The following SUSD5 variants were observed in gnomAD, a reference collection of about 807,000 sequenced individuals.
The protein encoded by SUSD5 is sushi domain-containing protein 5.
A neutral mutation model predicts 29.5 loss-of-function variants in SUSD5; 33 were observed. The ratio of observed to expected loss-of-function variants is 1.12; its 90% CI spans 0.85 to 1.49. SUSD5 has a LOEUF of 1.49. SUSD5 is among the 40% of genes most tolerant of loss of function. The pLI, the probability that SUSD5 is intolerant of heterozygous loss-of-function variation, is 0.00. For missense variants in SUSD5, 776 were observed against 800.6 expected (o/e 0.97, Z 0.37); for synonymous variants, 308 against 325.3 (o/e 0.95, Z 0.57).
rs906428044 is a variant in SUSD5 at position 33,150,832 on chromosome 3, G to A, written c.*1910C>T. ...CCAACAATTTTTCAATCATAAAAAA[G>A]ATCAGGATTTCCCTCTACCACACAA... is the stretch of plus-strand genomic sequence containing the variant. On this transcript the variant is annotated 3_prime_UTR_variant, in exon 5 of 5. Transcript: ENST00000309558. The A allele has an allele frequency of 2.0e-5, 3 of 152,158 alleles. No individual in the cohort carries two copies. The highest frequency in any genetic ancestry group is 4.4e-5 in the Non-Finnish European group (3 of 68,026). The allele number at this position is 152,158 out of a possible 1,614,324, so 9.4% of individuals were successfully genotyped here.
intron 4 of SUSD5, among the ~76,000 whole-genome samples, chr3:33,171,521 G>A (rs2031427833): frequency 6.6e-6 from 1 of 152,094 alleles, no homozygotes; most frequent in Non-Finnish European, 1.5e-5. Context: ...CAGCAAGCAA[G>A]CAAACAAAAC....
intron 3 of SUSD5, among the ~76,000 whole-genome samples, chr3:33,181,790 C>A (rs958031639): frequency 2.0e-5 from 3 of 152,216 alleles, no homozygotes; most frequent in African/African-American, 7.2e-5. Flanking sequence ...CAGTAACACA[C>A]TGTACAGGTT....
chr3:33,207,430 T>C (rs1251158733), intron 3 of SUSD5, among the ~76,000 whole-genome samples: 1 of 152,144 alleles, frequency 6.6e-6, no homozygotes, highest in East Asian at 1.9e-4. Context: ...CAGAAGAACC[T>C]GGGAATTTAT....
intron 3 of SUSD5, among the ~76,000 whole-genome samples, chr3:33,202,157 A>T (rs1382306213): frequency 1.3e-5 from 2 of 152,172 alleles, no homozygotes; most frequent in Non-Finnish European, 2.9e-5. Context: ...ATAAATGAAC[A>T]CATAAATGAC....
Position 33,150,719 on chromosome 3 carries a change from C to T in SUSD5, c.*2023G>A, listed in dbSNP as rs912107038. ...ATGCTGCCTCTCTTTACAGCTACTTCGCCTATTACTTTTCCAAAGCTTGCT... is the reference window on the plus strand; with the variant it reads ...ATGCTGCCTCTCTTTACAGCTACTTTGCCTATTACTTTTCCAAAGCTTGCT... On this transcript the variant is annotated 3_prime_UTR_variant, in exon 5 of 5. Coordinates refer to ENST00000309558, the MANE Select transcript of SUSD5 (RefSeq NM_015551.2). 4 of 152,184 alleles carry T rather than the reference C, an allele frequency of 2.6e-5. No individual in the cohort carries two copies. The highest frequency in any genetic ancestry group is 1.9e-4 in the East Asian group (1 of 5,202). The allele number at this position is 152,184 out of a possible 1,614,324, so 9.4% of individuals were successfully genotyped here. A position where few individuals can be genotyped will look rare whatever the true frequency, so the allele number is the denominator to read the frequency against.
At chr3:33,171,354 A>G (rs2031423294) in intron 4 of SUSD5, among the ~76,000 whole-genome samples, 2 of 151,978 alleles carry the variant, frequency 1.3e-5, no homozygotes. Flanking sequence ...TTAAAAAAAA[A>G]AAGGGTATTA....
chr3:33,193,201 A>G (rs1033117707), intron 3 of SUSD5, among the ~76,000 whole-genome samples: 1 of 152,168 alleles, frequency 6.6e-6, no homozygotes, highest in Admixed American at 6.5e-5. Context: ...AAAACAAGGA[A>G]CCACTAAGGA....
At chr3:33,157,572 T>C (rs1192958220) in intron 4 of SUSD5, among the ~76,000 whole-genome samples, 1 of 152,190 alleles carries the variant, frequency 6.6e-6, no homozygotes, top group Non-Finnish European at 1.5e-5. Context: ...ATCTCCACTT[T>C]TCCCTGCATC....
At chr3:33,218,654 AC>A (rs1377679216) in intron 1 of SUSD5, 31 bp downstream of exon 1, 4 of 1,075,634 alleles carry the variant, frequency 3.7e-6, no homozygotes, top group South Asian at 6.1e-5. Flanking sequence ...CCCACGCTCC[AC>A]CCCCCGCCCC....
At chr3:33,182,195 A>G (rs1340832899) in intron 3 of SUSD5, among the ~76,000 whole-genome samples, 1 of 152,198 alleles carries the variant, frequency 6.6e-6, no homozygotes, top group Non-Finnish European at 1.5e-5. Flanking sequence ...TGCATTATTT[A>G]AAAGTATGTT....
chr3:33,154,843 A>G (rs915762886), intron 4 of SUSD5, among the ~76,000 whole-genome samples: 3 of 152,232 alleles, frequency 2.0e-5, no homozygotes, highest in Non-Finnish European at 4.4e-5. Flanking sequence ...TAAGTTGGCA[A>G]TTCTGTCCAA....
chr3:33,179,537 G>A (rs980134310), intron 3 of SUSD5, among the ~76,000 whole-genome samples: 4 of 152,166 alleles, frequency 2.6e-5, no homozygotes, highest in African/African-American at 9.7e-5. Flanking sequence ...AACCTCTCTG[G>A]AATATAGGTC....
Position 33,153,564 on chromosome 3 carries a change from G to C in SUSD5, c.1068C>G (p.Ser356Arg), listed in dbSNP as rs1165491581. The C allele has an allele frequency of 1.9e-6, 3 of 1,613,968 alleles. No individual in the cohort carries two copies. The highest frequency in any genetic ancestry group is 2.5e-6 in the Non-Finnish European group (3 of 1,179,906). The change falls in exon 5 of 5, where the codon AGC (serine) becomes AGG (arginine). Residue 356 changes from serine to arginine, a missense_variant. Physicochemically the swap from Ser to Arg is moderately radical, Grantham distance 110. Coordinates refer to ENST00000309558, the MANE Select transcript of SUSD5 (RefSeq NM_015551.2). ...TGCTCACCACTGGATCTCCTGCCTT[G>C]CTGTCATTCTTGCCCACAAATGGCC... is the stretch of plus-strand genomic sequence containing the variant. ...PSGPFVGKNDSKAGDPVVSSS... is the reference protein window; with the variant it reads ...PSGPFVGKNDRKAGDPVVSSS...
intron 3 of SUSD5, among the ~76,000 whole-genome samples, chr3:33,180,246 C>T (rs2031639775): frequency 6.6e-6 from 1 of 152,134 alleles, no homozygotes; most frequent in Admixed American, 6.5e-5. Context: ...TGAAGACTTT[C>T]TACTGGGACA....
chr3:33,196,830 C>G (rs933655588), intron 3 of SUSD5, among the ~76,000 whole-genome samples: 1 of 152,176 alleles, frequency 6.6e-6, no homozygotes, highest in South Asian at 2.1e-4. Flanking sequence ...AACGGCAGTG[C>G]CTGTGAAGGT....
intron 2 of SUSD5, among the ~76,000 whole-genome samples, chr3:33,212,247 T>C (rs2032336439): frequency 6.6e-6 from 1 of 152,110 alleles, no homozygotes. Flanking sequence ...AAAATAAAAT[T>C]AGGCCAGGCA....
intron 3 of SUSD5, among the ~76,000 whole-genome samples, chr3:33,200,128 G>C (rs948816659): frequency 6.6e-6 from 1 of 152,150 alleles, no homozygotes; most frequent in African/African-American, 2.4e-5. Context: ...TGGGACTAGT[G>C]CCCTTATGAA....
At chr3:33,168,406 G>A in intron 4 of SUSD5, 1 of 614,802 alleles carries the variant, frequency 1.6e-6, no homozygotes, top group Non-Finnish European at 2.0e-6. Flanking sequence ...TCAGTCTCAT[G>A]CCTTCTTCTA....
intron 1 of SUSD5, among the ~76,000 whole-genome samples, chr3:33,214,384 T>C (rs2032387651): frequency 6.8e-6 from 1 of 146,016 alleles, no homozygotes; most frequent in Non-Finnish European, 1.5e-5. Flanking sequence ...TTCAAATCTT[T>C]CTTTTAAAAC....
Sources: allele counts gnomAD v4.1 joint callset (sites outside exome capture counted in the v4.1 genomes callset), GRCh38; gene constraint gnomAD v4.1.1; transcripts MANE v1.5; gene names NCBI Gene and HGNC (gene_info 2026-07-23, HGNC 2026-07-21).